CADM2: variants seen among roughly 807,000 people sequenced by gnomAD.
CADM2 encodes cell adhesion molecule 2.
CADM2 carries 12 observed loss-of-function variants against 49.8 expected under a neutral mutation model. The ratio of observed to expected loss-of-function variants is 0.24; its 90% confidence interval spans 0.15 to 0.39. CADM2 has a LOEUF of 0.39. CADM2 is among the 10% of genes least tolerant of loss of function. The pLI is 1.00. For synonymous variants in CADM2, 214 were observed against 175.4 expected, an observed-to-expected ratio of 1.22 and a Z score of -1.74; for missense variants, 378 against 492.3, an observed-to-expected ratio of 0.77 and a Z score of 2.20.
intron 1 of CADM2, among the ~76,000 whole-genome samples, chr3:85,452,171 T>G (rs1046193432): frequency 6.6e-6 from 1 of 152,150 alleles, no homozygotes; most frequent in African/African-American, 2.4e-5. Flanking sequence ...TAGTACTGTG[T>G]TGTTGGGAAA....
intron 1 of CADM2, among the ~76,000 whole-genome samples, chr3:85,678,047 A>C (rs1278874020): frequency 6.6e-6 from 1 of 152,224 alleles, no homozygotes; most frequent in Non-Finnish European, 1.5e-5. Flanking sequence ...GCTTACCAAA[A>C]ATGAAAGAAG....
intron 1 of CADM2, among the ~76,000 whole-genome samples, chr3:85,482,642 T>C (rs2107630157): frequency 6.6e-6 from 1 of 151,816 alleles, no homozygotes; most frequent in Non-Finnish European, 1.5e-5. Flanking sequence ...GAAAATTTAG[T>C]GCATTTTTAT....
chr3:85,723,674 T>C (rs1451673436), intron 1 of CADM2, among the ~76,000 whole-genome samples: 2 of 152,106 alleles, frequency 1.3e-5, no homozygotes, highest in Non-Finnish European at 2.9e-5. Context: ...TCTGTCTTCA[T>C]ACAATGTTTG....
chr3:85,995,065 C>A (rs1342601479), intron 8 of CADM2, among the ~76,000 whole-genome samples: 1 of 120,520 alleles, frequency 8.3e-6, no homozygotes, highest in African/African-American at 3.1e-5. Context: ...CAAAGTGAAG[C>A]ACAATAAAAT....
At chr3:85,969,027 A>T (rs1725799605) in intron 8 of CADM2, among the ~76,000 whole-genome samples, 2 of 151,548 alleles carry the variant, frequency 1.3e-5, no homozygotes, top group African/African-American at 2.4e-5. Flanking sequence ...CGTTGCTTCC[A>T]AATCACATTC....
chr3:85,290,099 C>G (rs1007437000), intron 1 of CADM2, among the ~76,000 whole-genome samples: 1 of 152,028 alleles, frequency 6.6e-6, no homozygotes, highest in Non-Finnish European at 1.5e-5. Context: ...GTGGGCGATC[C>G]GAAGCAGGGT....
chr3:85,375,950 T>A (rs2107336898), intron 1 of CADM2, among the ~76,000 whole-genome samples: 1 of 152,276 alleles, frequency 6.6e-6, no homozygotes, highest in East Asian at 1.9e-4. Context: ...GGTACCTAAG[T>A]AAACCTAATA....
intron 1 of CADM2, among the ~76,000 whole-genome samples, chr3:85,622,735 CT>C (rs2064012046): frequency 6.6e-6 from 1 of 152,144 alleles, no homozygotes. Context: ...CCCGCTACCC[CT>C]ATGCACTGCG....
intron 1 of CADM2, among the ~76,000 whole-genome samples, chr3:85,530,470 A>G (rs1354264085): frequency 6.6e-5 from 10 of 151,488 alleles, no homozygotes; most frequent in Middle Eastern, 3.4e-3. Flanking sequence ...CGCTGGGACT[A>G]CAGGCGCCCG....
chr3:85,086,480 A>G (rs2037380870), intron 1 of CADM2, among the ~76,000 whole-genome samples: 1 of 151,204 alleles, frequency 6.6e-6, no homozygotes, highest in South Asian at 2.1e-4. Context: ...TAGATCTCCT[A>G]ATGAAATATC....
chr3:85,501,219 A>G (rs1357235454), intron 1 of CADM2, among the ~76,000 whole-genome samples: 1 of 152,172 alleles, frequency 6.6e-6, no homozygotes, highest in Non-Finnish European at 1.5e-5. Flanking sequence ...GATTAGGATA[A>G]TGTAACATCT....
intron 1 of CADM2, among the ~76,000 whole-genome samples, chr3:85,024,650 A>G (rs955157247): frequency 6.8e-6 from 1 of 147,150 alleles, no homozygotes. Flanking sequence ...AGGGAAAGGC[A>G]GTAATTATAG....
chr3:85,356,246 G>T (rs1024881723), intron 1 of CADM2, among the ~76,000 whole-genome samples: 1 of 152,018 alleles, frequency 6.6e-6, no homozygotes, highest in African/African-American at 2.4e-5. Context: ...ATGTTTTTCT[G>T]TATGACTAGT....
intron 8 of CADM2, among the ~76,000 whole-genome samples, chr3:85,971,246 T>G (rs938618587): frequency 6.6e-6 from 1 of 151,646 alleles, no homozygotes; most frequent in Non-Finnish European, 1.5e-5. Flanking sequence ...TGACGTCATG[T>G]GCAAACGTTT....
intron 2 of CADM2, 58 bp from the exon 3 acceptor site, chr3:85,801,989 G>C (rs2072072757): frequency 7.1e-7 from 1 of 1,411,528 alleles, no homozygotes; most frequent in Non-Finnish European, 9.7e-7. Context: ...GTAGATCTTA[G>C]GCAGTTAATC....
chr3:85,778,041 C>A (rs1577290139), intron 2 of CADM2, among the ~76,000 whole-genome samples: 1 of 152,056 alleles, frequency 6.6e-6, no homozygotes, highest in Non-Finnish European at 1.5e-5. Flanking sequence ...CAAAGAGAGG[C>A]GACCTAGGAT....
At chr3:85,649,669 A>T (rs2064988327) in intron 1 of CADM2, among the ~76,000 whole-genome samples, 1 of 152,200 alleles carries the variant, frequency 6.6e-6, no homozygotes, top group Admixed American at 6.5e-5. Context: ...TGCAGGTACC[A>T]GGACTTCTCT....
intron 1 of CADM2, among the ~76,000 whole-genome samples, chr3:85,085,485 C>T (rs1262270551): frequency 1.3e-5 from 2 of 151,958 alleles, no homozygotes; most frequent in African/African-American, 4.8e-5. Context: ...GTACACACCA[C>T]ATTTTCTTTA....
At chr3:85,686,368 G>T (rs1029346328) in intron 1 of CADM2, among the ~76,000 whole-genome samples, 2 of 151,988 alleles carry the variant, frequency 1.3e-5, no homozygotes, top group Admixed American at 1.3e-4. Flanking sequence ...AAATGGTAAC[G>T]CTGGTTAGTG....
Sources: gnomAD v4.1 joint callset for allele counts (sites outside exome capture counted in the v4.1 genomes callset) on GRCh38, gnomAD v4.1.1 for gene constraint, MANE v1.5 for transcripts, NCBI Gene and HGNC (gene_info 2026-07-23, HGNC 2026-07-21) for gene names.